EPS8: variants seen among roughly 807,000 people sequenced by gnomAD.
EPS8 encodes the protein epidermal growth factor receptor kinase substrate 8.
In EPS8, 42 loss-of-function variants were observed where a neutral mutation model predicts 103.8. That is an observed-to-expected ratio of 0.40 (90% CI 0.32 to 0.52). EPS8 has a LOEUF of 0.52. Among genes scored for constraint, EPS8 ranks in the 20% least tolerant of loss-of-function variants. EPS8 has a pLI of 0.40. For synonymous variants in EPS8, 344 were observed against 344.6 expected (o/e 1.00, Z 0.02); for missense variants, 969 against 1,005.1 (o/e 0.96, Z 0.49).
intron 1 of EPS8, among the ~76,000 whole-genome samples, chr12:15,699,219 G>T (rs1374826197): frequency 6.6e-6 from 1 of 152,212 alleles, no homozygotes; most frequent in African/African-American, 2.4e-5. Flanking sequence ...ACAGCTATTG[G>T]AAATAATAAA....
At chr12:15,682,614 T>C (rs570344506) in intron 2 of EPS8, among the ~76,000 whole-genome samples, 46 of 152,278 alleles carry the variant, frequency 3.0e-4, no homozygotes, top group Non-Finnish European at 5.4e-4. Context: ...TATTCAACCA[T>C]GAAAAGCAAG....
At chr12:15,641,695 A>T in intron 16 of EPS8, 27 bp downstream of exon 16, 2 of 1,111,394 alleles carry the variant, frequency 1.8e-6, no homozygotes, top group Non-Finnish European at 2.6e-6. Flanking sequence ...CTTTATTAAG[A>T]GTATAAAAAA....
At chr12:15,724,312 T>G (rs900979099) in intron 1 of EPS8, among the ~76,000 whole-genome samples, 1 of 152,232 alleles carries the variant, frequency 6.6e-6, no homozygotes, top group Non-Finnish European at 1.5e-5. Context: ...TTTTATGTGT[T>G]GTCAAATCAT....
At chr12:15,683,720 A>C (rs932882071) in intron 1 of EPS8, 1 of 152,052 alleles carries the variant, frequency 6.6e-6, no homozygotes, top group African/African-American at 2.4e-5. Context: ...TAATTAGTAA[A>C]ACTTCCTCTT....
intron 3 of EPS8, among the ~76,000 whole-genome samples, chr12:15,676,796 T>C (rs1945916933): frequency 6.6e-6 from 1 of 152,172 alleles, no homozygotes. Flanking sequence ...TCAGTGACAA[T>C]AATGATGCAG....
At position 15,696,493 on chromosome 12, in the gene EPS8, T is replaced by G. The variant is rs1946244847; in HGVS notation, c.-21-13521A>C. On this transcript the variant is annotated intron_variant, in intron 1 of 20. Transcript: ENST00000281172. This position sits in a 1 kb window ranked among gnomAD's most constrained non-coding sequence, Gnocchi z 4.8. Reference sequence around the variant, plus strand: ...CATTTTTACTAAAAATACAAAAAATTAGCTGGGCATGATGACATATACCTG... The same window carrying G: ...CATTTTTACTAAAAATACAAAAAATGAGCTGGGCATGATGACATATACCTG... 6.6e-6 allele frequency among the ~76,000 whole-genome samples: 1 copy of G among 151,780 alleles called. No homozygotes were observed. Among genetic ancestry groups the G allele is most frequent in the South Asian group, 2.1e-4 (1 of 4,794 alleles).
In EPS8 at chr12:15,762,458, C is replaced by A. The variant is rs1042620987; in HGVS notation, c.-22+26703G>T. ...GGTATAGACCCAAAAGAAAGGAAAT[C>A]AGTATATCAAAGGGATATCTGCACT... On this transcript the variant is annotated intron_variant, in intron 1 of 20. Transcript: ENST00000281172. This position sits in a 1 kb window ranked among gnomAD's most constrained non-coding sequence, Gnocchi z 4.8. Among the ~76,000 whole-genome samples the A allele has an allele frequency of 6.6e-6, 1 of 152,196 alleles. No homozygotes were observed. The highest frequency in any genetic ancestry group is 1.5e-5 in the Non-Finnish European group (1 of 68,020).
Position 15,785,806 on chromosome 12 carries a change from A to AG in EPS8, c.-22+3354_-22+3355insC, listed in dbSNP as rs1177818299. On this transcript the variant is annotated intron_variant, in intron 1 of 20. Transcript: ENST00000281172. This position sits in a 1 kb window ranked among gnomAD's most constrained non-coding sequence, Gnocchi z 4.9. ...AAAGTAAGGAAATGCTTCCAAAAAA[A>AG]CAAAATTCACATTGATGGTAGTATG... Among the ~76,000 whole-genome samples, 5 of 152,076 alleles carry AG rather than the reference A, an allele frequency of 3.3e-5. No homozygotes were observed. Among genetic ancestry groups the AG allele is most frequent in the African/African-American group, 4.8e-5 (2 of 41,442 alleles).
intron 1 of EPS8, among the ~76,000 whole-genome samples, chr12:15,744,339 G>C (rs1432487730): frequency 2.0e-5 from 3 of 152,160 alleles, no homozygotes; most frequent in Admixed American, 1.3e-4. Context: ...GTCTTCCTCT[G>C]CCCCTTCCTT....
At chr12:15,681,015 T>C (rs1478719604) in intron 3 of EPS8, among the ~76,000 whole-genome samples, 1 of 152,126 alleles carries the variant, frequency 6.6e-6, no homozygotes, top group African/African-American at 2.4e-5. Context: ...GCAATACATT[T>C]CATCTGTAGT....
At chr12:15,641,492 T>TA (rs1021014192) in intron 16 of EPS8, among the ~76,000 whole-genome samples, 17 of 149,802 alleles carry the variant, frequency 1.1e-4, no homozygotes, top group East Asian at 3.9e-4. Flanking sequence ...CAAAGGAAGT[T>TA]AAAAAAAAAC....
Position 15,669,410 on chromosome 12 carries a change from G to T in EPS8, c.493C>A (p.Leu165Ile). The T allele has an allele frequency of 6.2e-7, 1 of 1,613,364 alleles. No individual in the cohort carries two copies. The highest frequency in any genetic ancestry group is 1.1e-5 in the South Asian group (1 of 90,820). Residue 165 changes from leucine to isoleucine, a missense_variant, in exon 6 of 21, where the codon CTC (leucine) becomes ATC (isoleucine). Transcript: ENST00000281172. ...ACCTTAACCTCATCACACTGGAAGA[G>T]ATGAAGATCTGGCTTGTTCTGGGTT... ...EPTQNKPDLH[L>I]FQCDEVKANL...
intron 1 of EPS8, among the ~76,000 whole-genome samples, chr12:15,743,781 C>A (rs984090720): frequency 6.6e-6 from 1 of 152,078 alleles, no homozygotes; most frequent in Admixed American, 6.6e-5. Context: ...TAAAGACTTA[C>A]ATGTTAGACC....
In EPS8 at chr12:15,734,368, G is replaced by A. The variant is rs1946746814; in HGVS notation, c.-21-51396C>T. On this transcript the variant is annotated intron_variant, in intron 1 of 20. Transcript: ENST00000281172. This position sits in a 1 kb window ranked among gnomAD's most constrained non-coding sequence, Gnocchi z 4.1. ...TTTACTACTGTTCCAGGGGCATTAGGCTACAATAACATTCAAAAGTTTCAT... is the reference window on the plus strand; with the variant it reads ...TTTACTACTGTTCCAGGGGCATTAGACTACAATAACATTCAAAAGTTTCAT... Among the ~76,000 whole-genome samples, 1 of 152,052 alleles carries A rather than the reference G, an allele frequency of 6.6e-6. No individual in the cohort carries two copies.
At chr12:15,647,291 T>C in intron 14 of EPS8, 31 bp from the exon 15 acceptor site, 5 of 1,597,486 alleles carry the variant, frequency 3.1e-6, no homozygotes, top group Non-Finnish European at 4.3e-6. Context: ...GATTAAAGAA[T>C]CACCAAATAC....
intron 17 of EPS8, among the ~76,000 whole-genome samples, chr12:15,633,980 C>T (rs1945093363): frequency 6.6e-6 from 1 of 152,190 alleles, no homozygotes; most frequent in South Asian, 2.1e-4. Flanking sequence ...TTATGTCTGT[C>T]TTTTGGCTAT....
chr12:15,669,578 C>A (rs779722933), intron 5 of EPS8, 42 bp from the exon 6 acceptor site: 4 of 1,564,062 alleles, frequency 2.6e-6, no homozygotes, highest in Non-Finnish European at 3.5e-6. Flanking sequence ...AACTTCCATC[C>A]ATTTTCAAAC....
At chr12:15,712,952 C>G in intron 1 of EPS8, 2 of 985,318 alleles carry the variant, frequency 2.0e-6, no homozygotes, top group Non-Finnish European at 2.4e-6. Flanking sequence ...TTTGGCACAA[C>G]GTCAGAAAGG....
In EPS8 at chr12:15,776,229, C is replaced by A. The variant is rs1947205398; in HGVS notation, c.-22+12932G>T. 6.6e-6 allele frequency among the ~76,000 whole-genome samples: 1 copy of A among 152,088 alleles called. No homozygotes were observed. Among genetic ancestry groups the A allele is most frequent in the Non-Finnish European group, 1.5e-5 (1 of 68,006 alleles). On this transcript the variant is annotated intron_variant, in intron 1 of 20. Transcript: ENST00000281172. This position sits in a 1 kb window ranked among gnomAD's most constrained non-coding sequence, Gnocchi z 4.2. ...GAATAATTAGAAAGGGAGGAAGAAG[C>A]AGCTGAAATGATCATAGCTAGAAGC...
Sources: gnomAD v4.1 joint callset for allele counts (sites outside exome capture counted in the v4.1 genomes callset) on GRCh38, gnomAD v4.1.1 for gene constraint, Gnocchi (gnomAD v3.1) non-coding constraint, MANE v1.5 for transcripts, NCBI Gene and HGNC (gene_info 2026-07-23, HGNC 2026-07-21) for gene names.